The following SYCP1 variants were observed in gnomAD, a reference collection of about 807,000 sequenced individuals.
The protein encoded by SYCP1 is synaptonemal complex protein 1.
A neutral mutation model predicts 153.1 loss-of-function variants in SYCP1; 64 were observed. The observed-to-expected ratio is 0.42, with a 90% CI of 0.34 to 0.51. The LOEUF (loss-of-function observed/expected upper bound fraction) is 0.51, where lower values mean the gene tolerates loss of function less well. Ranked by LOEUF, SYCP1 falls within the 20% of genes least tolerant of loss-of-function variation. The probability of loss-of-function intolerance (pLI) is 0.06; values close to 1 mark genes in which losing one functional copy is unlikely to be tolerated. For synonymous variants in SYCP1, 384 were observed against 341.8 expected, an observed-to-expected ratio of 1.12 and a Z score of -1.36; for missense variants, 997 against 1,049.0, an observed-to-expected ratio of 0.95 and a Z score of 0.68.
At chr1:114,926,602 A>G in intron 23 of SYCP1, 39 bp downstream of exon 23, 1 of 1,457,572 alleles carries the variant, frequency 6.9e-7, no homozygotes, top group Non-Finnish European at 9.3e-7. Flanking sequence ...AAATACTAAT[A>G]GATAGATGAG....
intron 27 of SYCP1, among the ~76,000 whole-genome samples, chr1:114,969,734 C>T (rs1672358415): frequency 6.6e-6 from 1 of 152,192 alleles, no homozygotes. Flanking sequence ...TTCCCAAACA[C>T]CCACCCAGTT....
At chr1:114,968,522 C>A (rs1672282437) in intron 27 of SYCP1, among the ~76,000 whole-genome samples, 1 of 152,138 alleles carries the variant, frequency 6.6e-6, no homozygotes, top group Admixed American at 6.5e-5. Flanking sequence ...TGTTTTTCAG[C>A]TCCATCAGGT....
chr1:114,964,991 A>G (rs1031090517), intron 27 of SYCP1, among the ~76,000 whole-genome samples: 4 of 152,286 alleles, frequency 2.6e-5, no homozygotes, highest in East Asian at 1.9e-4. Flanking sequence ...CTTCCTATCC[A>G]TGAGCATGGA....
chr1:114,857,319 T>G (rs360614), intron 4 of SYCP1, 44 bp downstream of exon 4: 642,567 of 1,574,340 alleles, frequency 0.41, 135,433 homozygotes, highest in East Asian at 0.48. Context: ...GTTTAGGTAA[T>G]GAACTGCTTA....
At chr1:114,948,530 T>C (rs1407135697) in intron 27 of SYCP1, among the ~76,000 whole-genome samples, 2 of 152,222 alleles carry the variant, frequency 1.3e-5, no homozygotes, top group African/African-American at 4.8e-5. Context: ...TTAATTCCTT[T>C]CATCCTTTTC....
intron 23 of SYCP1, among the ~76,000 whole-genome samples, chr1:114,932,904 G>A (rs571514102): frequency 6.4e-4 from 98 of 152,234 alleles, no homozygotes; most frequent in African/African-American, 1.8e-3. Context: ...AGAAAAGCTC[G>A]AACTGGGTGG....
chr1:114,900,432 C>G (rs985823037), intron 16 of SYCP1, among the ~76,000 whole-genome samples: 4 of 152,116 alleles, frequency 2.6e-5, no homozygotes, highest in Admixed American at 6.5e-5. Flanking sequence ...AGGCGCCCAC[C>G]ACCATGCCTG....
At chr1:114,932,485 T>C (rs901831563) in intron 23 of SYCP1, among the ~76,000 whole-genome samples, 2 of 152,150 alleles carry the variant, frequency 1.3e-5, no homozygotes, top group Admixed American at 6.5e-5. Flanking sequence ...GCTCCCAGCA[T>C]GAGTGACGCA....
At chr1:114,936,994 C>A (rs1197358384) in intron 23 of SYCP1, among the ~76,000 whole-genome samples, 1 of 152,088 alleles carries the variant, frequency 6.6e-6, no homozygotes, top group African/African-American at 2.4e-5. Context: ...GGTTCAATGC[C>A]ATCCCCATCA....
At chr1:114,864,189 A>G (rs769259475) in intron 8 of SYCP1, among the ~76,000 whole-genome samples, 9 of 152,076 alleles carry the variant, frequency 5.9e-5, no homozygotes, top group Non-Finnish European at 1.3e-4. Context: ...ATTAATGAAT[A>G]AATAAAATAT....
intron 11 of SYCP1, 185 bp downstream of exon 11, chr1:114,876,995 C>A: frequency 3.6e-6 from 1 of 274,266 alleles, no homozygotes; most frequent in Non-Finnish European, 7.1e-6. Flanking sequence ...AATATGTACT[C>A]ACTCTAGCTT....
Position 114,885,520 on chromosome 1 carries a change from A to G in SYCP1, c.911-15A>G. On this transcript the variant is annotated splice_polypyrimidine_tract_variant and intron_variant, in intron 12 of 31. Coordinates refer to ENST00000369522, the MANE Select transcript of SYCP1 (RefSeq NM_003176.4). ...CTTCTGCTAAGTACTATCTATTTAT[A>G]ACTTTCTCTTTTAGAATTACAGAGT... 4 of 1,443,090 alleles carry G rather than the reference A, an allele frequency of 2.8e-6. No homozygotes were observed. The highest frequency in any genetic ancestry group is 3.8e-6 in the Non-Finnish European group (4 of 1,042,244). 89.4% of individuals were successfully genotyped at this position (1,443,090 alleles called of 1,614,324 possible).
At chr1:114,883,954 G>T (rs909388283) in intron 12 of SYCP1, among the ~76,000 whole-genome samples, 16 of 152,298 alleles carry the variant, frequency 1.1e-4, no homozygotes, top group South Asian at 2.1e-4. Context: ...GCCTCCCAAA[G>T]TGCTGGGATT....
At chr1:114,912,489 C>G (rs896961995) in intron 18 of SYCP1, among the ~76,000 whole-genome samples, 3 of 151,952 alleles carry the variant, frequency 2.0e-5, no homozygotes, top group African/African-American at 7.2e-5. Context: ...AATAATCTCT[C>G]TTCCAAAGTA....
At chr1:114,897,183 C>A (rs2101605815) in intron 16 of SYCP1, among the ~76,000 whole-genome samples, 1 of 152,226 alleles carries the variant, frequency 6.6e-6, no homozygotes, top group Non-Finnish European at 1.5e-5. Flanking sequence ...GGACAAAGAC[C>A]AATCTTAATT....
chr1:114,975,302 C>T (rs1672737444), intron 27 of SYCP1, among the ~76,000 whole-genome samples: 2 of 149,798 alleles, frequency 1.3e-5, no homozygotes, highest in Admixed American at 6.7e-5. Context: ...TACATATTCA[C>T]TACATATTTT....
intron 3 of SYCP1, among the ~76,000 whole-genome samples, chr1:114,856,920 AC>A (rs1216726296): frequency 3.7e-5 from 5 of 134,362 alleles, no homozygotes; most frequent in Admixed American, 7.5e-5. Context: ...CCCTGTCTGT[AC>A]AAAAAAAAAA....
At chr1:114,979,731 A>G (rs1002932324) in intron 28 of SYCP1, among the ~76,000 whole-genome samples, 12 of 151,874 alleles carry the variant, frequency 7.9e-5, no homozygotes, top group African/African-American at 2.7e-4. Context: ...ATGAAATGAC[A>G]GATCACTAGA....
intron 8 of SYCP1, among the ~76,000 whole-genome samples, chr1:114,872,809 G>A (rs1425237737): frequency 6.6e-6 from 1 of 151,908 alleles, no homozygotes; most frequent in African/African-American, 2.4e-5. Flanking sequence ...CTACTAATAA[G>A]CCCCTCATTT....
Sources: allele counts gnomAD v4.1 joint callset (sites outside exome capture counted in the v4.1 genomes callset), GRCh38; gene constraint gnomAD v4.1.1; transcripts MANE v1.5; gene names NCBI Gene and HGNC (gene_info 2026-07-23, HGNC 2026-07-21).